Variants in CRPPA observed in about 807,000 individuals in gnomAD.
CRPPA encodes D-ribitol-5-phosphate cytidylyltransferase.
Under a neutral mutation model 52.0 loss-of-function variants are expected in CRPPA, and 43 were observed. The ratio of observed to expected loss-of-function variants is 0.83; its 90% CI spans 0.65 to 1.07. The LOEUF is 1.07. Ranked by LOEUF, CRPPA falls within the 50% of genes least tolerant of loss-of-function variation. The pLI is 0.00. For missense variants in CRPPA, 629 were observed against 551.7 expected (o/e 1.14, Z -1.40); for synonymous variants, 250 against 203.5 (o/e 1.23, Z -1.94).
chr7:16,284,380 G>T (rs73060599), intron 5 of CRPPA, among the ~76,000 whole-genome samples: 2,953 of 152,184 alleles, frequency 0.019, 43 homozygotes, highest in Non-Finnish European at 0.031. Context: ...TAGATAATGT[G>T]TAAAACTATT....
intron 9 of CRPPA, among the ~76,000 whole-genome samples, chr7:16,092,006 C>T (rs1781847850): frequency 6.6e-6 from 1 of 152,164 alleles, no homozygotes; most frequent in African/African-American, 2.4e-5. Context: ...AAAATATTTG[C>T]TTAAGATGCA....
At chr7:16,178,641 GTT>G (rs2128387019) in intron 9 of CRPPA, among the ~76,000 whole-genome samples, 1 of 152,120 alleles carries the variant, frequency 6.6e-6, no homozygotes, top group East Asian at 1.9e-4. Context: ...TATATATTCA[GTT>G]GAGGGCAGAC....
In CRPPA at chr7:16,298,322, T is replaced by C. The variant is rs117624715; in HGVS notation, c.835+3099A>G. 6.2e-3 allele frequency among the ~76,000 whole-genome samples: 939 copies of C among 152,240 alleles called. 10 individuals carry two copies. Among genetic ancestry groups the C allele is most frequent in the Admixed American group, 0.03 (452 of 15,296 alleles). Reference sequence around the variant, plus strand: ...TTCAGATAAGGGAATTTGTACAATCTCTATTTAAGGGAGGGAAAAAAAGGA... The same window carrying C: ...TTCAGATAAGGGAATTTGTACAATCCCTATTTAAGGGAGGGAAAAAAAGGA... On this transcript the variant is annotated intron_variant, in intron 5 of 9. Coordinates refer to ENST00000407010, the MANE Select transcript of CRPPA (RefSeq NM_001101426.4).
intron 8 of CRPPA, among the ~76,000 whole-genome samples, chr7:16,217,760 G>C (rs1315646328): frequency 6.8e-6 from 1 of 146,572 alleles, no homozygotes; most frequent in Admixed American, 6.8e-5. Flanking sequence ...AAAAAGAAAT[G>C]AGCAAAGCCT....
chr7:16,164,498 C>G (rs900468721), intron 9 of CRPPA, among the ~76,000 whole-genome samples: 1 of 152,158 alleles, frequency 6.6e-6, no homozygotes, highest in African/African-American at 2.4e-5. Context: ...CCTTCTGAAG[C>G]CTACTTCTGT....
intron 8 of CRPPA, among the ~76,000 whole-genome samples, chr7:16,249,324 G>A (rs1015102290): frequency 1.6e-4 from 25 of 152,274 alleles, no homozygotes; most frequent in African/African-American, 6.0e-4. Flanking sequence ...AAACGTCCCC[G>A]CCTGATGGCT....
chr7:16,251,105 C>G (rs141283607), intron 8 of CRPPA, among the ~76,000 whole-genome samples: 1,842 of 150,510 alleles, frequency 0.012, 37 homozygotes, highest in African/African-American at 0.042. Flanking sequence ...AGATTTTAAA[C>G]CAACAAAGAT....
intron 8 of CRPPA, among the ~76,000 whole-genome samples, chr7:16,243,553 A>G (rs1783184426): frequency 6.6e-6 from 1 of 152,210 alleles, no homozygotes; most frequent in Non-Finnish European, 1.5e-5. Context: ...TACATGAAAC[A>G]TATAAAAATA....
At chr7:16,126,972 T>C (rs976905938) in intron 9 of CRPPA, among the ~76,000 whole-genome samples, 2 of 152,140 alleles carry the variant, frequency 1.3e-5, no homozygotes, top group African/African-American at 2.4e-5. Flanking sequence ...ATTTATACAA[T>C]GAAAATAATG....
chr7:16,373,926 C>T (rs1296324934), intron 3 of CRPPA, among the ~76,000 whole-genome samples: 1 of 152,142 alleles, frequency 6.6e-6, no homozygotes, highest in Non-Finnish European at 1.5e-5. Flanking sequence ...TTTTATTTTG[C>T]CACATTCAAC....
At position 16,286,032 on chromosome 7, in the gene CRPPA, AAAAAAAATAT is replaced by A. The variant is rs1562608231; in HGVS notation, c.836-7816_836-7807del. ...TGAAACTCCATCTCAAAAAAAAAAA[AAAAAAAATAT>A]AAATATATATATATATATATATATA... On this transcript the variant is annotated intron_variant, in intron 5 of 9. Coordinates refer to ENST00000407010, the MANE Select transcript of CRPPA (RefSeq NM_001101426.4). 7.5e-3 allele frequency among the ~76,000 whole-genome samples: 205 copies of A among 27,154 alleles called. 1 individual carries two copies. The highest frequency in any genetic ancestry group is 0.026 in the African/African-American group (108 of 4,214). 17.8% of individuals were successfully genotyped at this position (27,154 alleles called of 152,430 possible). A position where few individuals can be genotyped will look rare whatever the true frequency, so the allele number is the denominator to read the frequency against.
chr7:16,272,520 A>T (rs1194469380), intron 6 of CRPPA, among the ~76,000 whole-genome samples: 3 of 152,216 alleles, frequency 2.0e-5, no homozygotes, highest in Non-Finnish European at 2.9e-5. Context: ...TGGTGACTTC[A>T]TCCTTTTTAC....
At chr7:16,105,265 A>G (rs1468980781) in intron 9 of CRPPA, among the ~76,000 whole-genome samples, 1 of 152,212 alleles carries the variant, frequency 6.6e-6, no homozygotes, top group Admixed American at 6.5e-5. Flanking sequence ...TGAGACACCA[A>G]TGTGGTCCAT....
intron 8 of CRPPA, among the ~76,000 whole-genome samples, chr7:16,241,973 G>GGGGGGGT (rs1783125781): frequency 1.9e-5 from 2 of 106,580 alleles, no homozygotes; most frequent in Non-Finnish European, 3.7e-5. Context: ...TTTTTTGTTG[G>GGGGGGGT]GGGGAGATAG....
intron 6 of CRPPA, among the ~76,000 whole-genome samples, chr7:16,262,345 G>C (rs975596266): frequency 8.6e-5 from 13 of 152,032 alleles, no homozygotes; most frequent in Admixed American, 7.2e-4. Flanking sequence ...TCAGTTATCT[G>C]ACTTGCTGTA....
Position 16,376,128 on chromosome 7 carries a change from A to AGCTTGGGGCATTTC in CRPPA, c.634_647dup (p.Phe217LysfsTer10). The stretch of plus-strand genomic sequence containing the variant: ...CTTCATAAATCACATCAAATAGAAA[A>AGCTTGGGGCATTTC]GCTTGGGGCATTTCACTTGCTCTGT... On this transcript the variant is annotated frameshift_variant, in exon 3 of 10. Coordinates refer to ENST00000407010, the MANE Select transcript of CRPPA (RefSeq NM_001101426.4). LOFTEE classifies it high-confidence loss of function. The AGCTTGGGGCATTTC allele has an allele frequency of 6.2e-7, 1 of 1,609,814 alleles. No individual in the cohort carries two copies. The highest frequency in any genetic ancestry group is 8.5e-7 in the Non-Finnish European group (1 of 1,177,982).
intron 9 of CRPPA, among the ~76,000 whole-genome samples, chr7:16,152,556 T>C (rs1783098107): frequency 6.6e-6 from 1 of 152,014 alleles, no homozygotes. Context: ...CATAAGTATT[T>C]ATAAAATGAA....
At chr7:16,098,085 C>A (rs1284067455) in intron 9 of CRPPA, among the ~76,000 whole-genome samples, 1 of 152,116 alleles carries the variant, frequency 6.6e-6, no homozygotes, top group Non-Finnish European at 1.5e-5. Flanking sequence ...CACATATCAG[C>A]ATTTGAATTT....
chr7:16,294,721 T>C (rs1040679281), intron 5 of CRPPA, among the ~76,000 whole-genome samples: 1 of 152,162 alleles, frequency 6.6e-6, no homozygotes, highest in African/African-American at 2.4e-5. Flanking sequence ...GGTTACTATA[T>C]ACATAATCTT....
Sources: gnomAD v4.1 joint callset for allele counts (sites outside exome capture counted in the v4.1 genomes callset) on GRCh38, gnomAD v4.1.1 for gene constraint, MANE v1.5 for transcripts, NCBI Gene and HGNC (gene_info 2026-07-23, HGNC 2026-07-21) for gene names.